Variants in FAM13A observed in about 807,000 individuals in gnomAD.
The protein encoded by FAM13A is protein FAM13A.
FAM13A carries 76 observed loss-of-function variants against 129.6 expected under a neutral mutation model. The observed-to-expected ratio is 0.59, with a 90% confidence interval of 0.49 to 0.71. The LOEUF (loss-of-function observed/expected upper bound fraction) is 0.71. FAM13A is among the 30% of genes least tolerant of loss of function. The pLI is 0.00. For missense variants in FAM13A, 1,108 were observed against 1,249.3 expected (o/e 0.89, Z 1.70); for synonymous variants, 443 against 449.9 (o/e 0.98, Z 0.20).
chr4:89,034,111 C>G (rs180873976), intron 1 of FAM13A, among the ~76,000 whole-genome samples: 1 of 152,086 alleles, frequency 6.6e-6, no homozygotes, highest in Non-Finnish European at 1.5e-5. Flanking sequence ...AGCTTCTGCA[C>G]AGCAAAAGAA....
At chr4:89,017,129 C>A (rs1766606928) in intron 3 of FAM13A, among the ~76,000 whole-genome samples, 1 of 152,114 alleles carries the variant, frequency 6.6e-6, no homozygotes, top group South Asian at 2.1e-4. Flanking sequence ...GATGTTCACA[C>A]AACAATGAAA....
At chr4:88,732,234 C>T in intron 21 of FAM13A, 36 bp from the exon 22 acceptor site, 1 of 1,508,162 alleles carries the variant, frequency 6.6e-7, no homozygotes, top group Non-Finnish European at 9.0e-7. Flanking sequence ...AAAATCTGGT[C>T]ACTTTTTGGG....
At chr4:88,828,422 G>C (rs1045821480) in intron 7 of FAM13A, among the ~76,000 whole-genome samples, 4 of 152,172 alleles carry the variant, frequency 2.6e-5, no homozygotes, top group African/African-American at 9.7e-5. Context: ...ACAGATGTGA[G>C]CCACTATGTT....
chr4:88,772,525 A>G (rs138721168), intron 11 of FAM13A, among the ~76,000 whole-genome samples: 79 of 152,328 alleles, frequency 5.2e-4, no homozygotes, highest in Middle Eastern at 3.4e-3. Flanking sequence ...GAGAAGTGAT[A>G]TATGTGGCTT....
At chr4:88,999,934 T>C (rs951152233) in intron 3 of FAM13A, among the ~76,000 whole-genome samples, 8 of 152,198 alleles carry the variant, frequency 5.3e-5, no homozygotes, top group Non-Finnish European at 1.0e-4. Context: ...TTAATACAAG[T>C]TGTATACTTT....
chr4:88,839,662 G>C (rs888550178), intron 7 of FAM13A, among the ~76,000 whole-genome samples: 1 of 152,136 alleles, frequency 6.6e-6, no homozygotes, highest in Non-Finnish European at 1.5e-5. Context: ...TGAGGTGGGA[G>C]GATCACTTGA....
At chr4:88,953,261 C>A (rs1579464784) in intron 4 of FAM13A, among the ~76,000 whole-genome samples, 2 of 152,090 alleles carry the variant, frequency 1.3e-5, no homozygotes, top group Admixed American at 1.3e-4. Context: ...TCGAGACCAG[C>A]CTGGCCAACA....
At chr4:88,992,199 C>T (rs1449187035) in intron 3 of FAM13A, among the ~76,000 whole-genome samples, 1 of 152,156 alleles carries the variant, frequency 6.6e-6, no homozygotes, top group Non-Finnish European at 1.5e-5. Context: ...CTCTAGCTAT[C>T]ATAATAGTCC....
intron 5 of FAM13A, among the ~76,000 whole-genome samples, chr4:88,923,500 C>A (rs1023063148): frequency 6.6e-6 from 1 of 152,176 alleles, no homozygotes; most frequent in Non-Finnish European, 1.5e-5. Flanking sequence ...CAAAATTCAA[C>A]AACCCTTCAT....
intron 23 of FAM13A, 102 bp downstream of exon 23, chr4:88,731,225 C>A (rs1344911882): frequency 9.2e-6 from 6 of 650,584 alleles, no homozygotes; most frequent in Admixed American, 2.7e-5. Flanking sequence ...GCAGAAGAGT[C>A]CCCCCTTTGA....
intron 2 of FAM13A, among the ~76,000 whole-genome samples, chr4:89,025,255 T>A (rs978259304): frequency 4.8e-5 from 3 of 62,928 alleles, no homozygotes; most frequent in African/African-American, 2.6e-4. Context: ...GTTTTTTTTT[T>A]TTTTTTTTTT....
intron 6 of FAM13A, among the ~76,000 whole-genome samples, chr4:88,860,471 C>A (rs1385504036): frequency 6.6e-6 from 1 of 152,188 alleles, no homozygotes; most frequent in Non-Finnish European, 1.5e-5. Flanking sequence ...GATCTGTTTG[C>A]ATTTCTATGA....
chr4:88,849,208 T>C (rs994101603), intron 7 of FAM13A, among the ~76,000 whole-genome samples: 1 of 152,180 alleles, frequency 6.6e-6, no homozygotes, highest in African/African-American at 2.4e-5. Flanking sequence ...AGTGGGAGAT[T>C]TACATCTTTC....
intron 7 of FAM13A, among the ~76,000 whole-genome samples, chr4:88,806,666 G>T (rs985020551): frequency 6.6e-6 from 1 of 152,106 alleles, no homozygotes; most frequent in Non-Finnish European, 1.5e-5. Flanking sequence ...TATAACTAAT[G>T]GTGTTAACTC....
intron 6 of FAM13A, among the ~76,000 whole-genome samples, chr4:88,894,590 T>G (rs1745973024): frequency 6.6e-6 from 1 of 152,192 alleles, no homozygotes; most frequent in Non-Finnish European, 1.5e-5. Context: ...GTGGCAATCT[T>G]GGCTCACTGC....
chr4:88,850,683 A>T (rs993154808), intron 7 of FAM13A, among the ~76,000 whole-genome samples: 4 of 152,250 alleles, frequency 2.6e-5, no homozygotes, highest in African/African-American at 9.6e-5. Flanking sequence ...TCTAGTGACA[A>T]CTTCGATCTC....
intron 6 of FAM13A, among the ~76,000 whole-genome samples, chr4:88,861,649 G>C (rs938336183): frequency 3.3e-5 from 5 of 152,116 alleles, no homozygotes; most frequent in Non-Finnish European, 5.9e-5. Context: ...ACTAGGCCCT[G>C]ACATCATTAA....
intron 4 of FAM13A, among the ~76,000 whole-genome samples, chr4:88,955,377 C>T (rs1259214108): frequency 1.3e-5 from 2 of 152,072 alleles, no homozygotes; most frequent in Non-Finnish European, 2.9e-5. Context: ...TGAGGCCTCC[C>T]CAGCCATGTT....
Position 88,760,665 on chromosome 4 carries a change from G to C in FAM13A, c.1579-1764C>G, listed in dbSNP as rs1013683015. 4.8e-5 allele frequency among the ~76,000 whole-genome samples: 7 copies of C among 147,204 alleles called. No individual in the cohort carries two copies. The East Asian group carries it at 1.5e-3, about 31-fold the overall frequency. On this transcript the variant is annotated intron_variant, in intron 13 of 23. Transcript: ENST00000264344. ...CAAGTATATCTGGAGATTTAAGATA[G>C]TTTAAAAATGCAGTTTGTTTACTGG...
Sources: gnomAD v4.1 joint callset for allele counts (sites outside exome capture counted in the v4.1 genomes callset) on GRCh38, gnomAD v4.1.1 for gene constraint, MANE v1.5 for transcripts, NCBI Gene and HGNC (gene_info 2026-07-23, HGNC 2026-07-21) for gene names.